The following ATF7IP variants were observed in gnomAD, a reference collection of about 807,000 sequenced individuals.
ATF7IP encodes activating transcription factor 7 interacting protein.
ATF7IP carries 23 observed loss-of-function variants against 106.4 expected under a neutral mutation model. The ratio of observed to expected loss-of-function variants is 0.22; its 90% confidence interval spans 0.16 to 0.31. ATF7IP has a LOEUF of 0.31. Among genes scored for constraint, ATF7IP ranks in the 10% least tolerant of loss-of-function variants. The pLI is 1.00. For synonymous variants in ATF7IP, 542 were observed against 539.0 expected (o/e 1.01, Z -0.08); for missense variants, 1,334 against 1,524.3 (o/e 0.88, Z 2.08).
At position 14,386,387 on chromosome 12, in the gene ATF7IP, G is replaced by A. The variant is rs543773304; in HGVS notation, c.-8+20560G>A. On this transcript the variant is annotated intron_variant, in intron 1 of 14. Coordinates refer to ENST00000261168, the MANE Select transcript of ATF7IP (RefSeq NM_018179.5). ...TTTAAGCAGCAATACTTAAATTGCA[G>A]TACCTGTTAAAATATTTTTTAGCTG... Among the ~76,000 whole-genome samples, 1,350 of 152,180 alleles carry A rather than the reference G, an allele frequency of 8.9e-3. 9 individuals are homozygous for A. Among genetic ancestry groups the A allele is most frequent in the African/African-American group, 0.026 (1,079 of 41,544 alleles).
intron 1 of ATF7IP, among the ~76,000 whole-genome samples, chr12:14,403,560 C>A (rs1177340696): frequency 1.3e-5 from 2 of 152,112 alleles, no homozygotes; most frequent in Non-Finnish European, 2.9e-5. Context: ...GAATTTTTTT[C>A]TGTTTACCAG....
At chr12:14,481,533 C>G in intron 13 of ATF7IP, 1 of 387,322 alleles carries the variant, frequency 2.6e-6, no homozygotes, top group Admixed American at 3.7e-5. Flanking sequence ...TAATTTTTGT[C>G]AATTAAAAAA....
At chr12:14,432,515 ATTTAT>A in intron 2 of ATF7IP, among the ~76,000 whole-genome samples, 1 of 152,344 alleles carries the variant, frequency 6.6e-6, no homozygotes, top group Non-Finnish European at 1.5e-5. Flanking sequence ...TTTTCAAATA[ATTTAT>A]TTTAAAGTTC....
At chr12:14,444,361 C>T (rs1163207608) in intron 5 of ATF7IP, among the ~76,000 whole-genome samples, 1 of 152,046 alleles carries the variant, frequency 6.6e-6, no homozygotes, top group African/African-American at 2.4e-5. Context: ...TATAGGCCAA[C>T]CTTGATGTTA....
chr12:14,421,877 T>A (rs1234634817), intron 1 of ATF7IP, among the ~76,000 whole-genome samples: 1 of 152,214 alleles, frequency 6.6e-6, no homozygotes, highest in Non-Finnish European at 1.5e-5. Context: ...AAATCAGCCT[T>A]GTATTTTTCT....
Position 14,488,406 on chromosome 12 carries a change from A to G in ATF7IP, c.3280+7221A>G, listed in dbSNP as rs192948573. On this transcript the variant is annotated intron_variant, in intron 13 of 14. Transcript: ENST00000261168. ...TGTTTCAGGGTAGGAAGCATCCAGC[A>G]CAGGAAAAAGATGTAGGCTGGGAGG... Among the ~76,000 whole-genome samples the G allele has an allele frequency of 5.5e-3, 843 of 152,288 alleles. 8 individuals are homozygous for G. The highest frequency in any genetic ancestry group is 7.8e-3 in the Non-Finnish European group (529 of 68,032).
chr12:14,496,674 C>A (rs1945021467), intron 14 of ATF7IP, among the ~76,000 whole-genome samples: 1 of 152,090 alleles, frequency 6.6e-6, no homozygotes, highest in Non-Finnish European at 1.5e-5. Context: ...TAATTTTATT[C>A]TTTCGTTCTA....
Position 14,498,068 on chromosome 12 carries a change from A to T in ATF7IP, c.3808A>T (p.Ser1270Cys), listed in dbSNP as rs1330614953. The T allele has an allele frequency of 1.3e-6, 2 of 1,571,414 alleles. No individual in the cohort carries two copies. The highest frequency in any genetic ancestry group is 1.2e-5 in the South Asian group (1 of 86,876). The change falls in exon 15 of 15, where the codon AGT becomes TGT. Residue 1270 changes from serine to cysteine, a missense_variant. By Grantham distance (112) the Ser-to-Cys change is moderately radical (BLOSUM62 -1). Coordinates refer to ENST00000261168, the MANE Select transcript of ATF7IP (RefSeq NM_018179.5). Reference sequence around the variant, plus strand: ...AGATGTGATCTCTTCTACCCAGAGCAGTTAAACCTTGGAGCCTTTATATTT... The same window carrying T: ...AGATGTGATCTCTTCTACCCAGAGCTGTTAAACCTTGGAGCCTTTATATTT... ...STDVISSTQS[S>C]
intron 1 of ATF7IP, among the ~76,000 whole-genome samples, chr12:14,370,245 C>G (rs1938479490): frequency 1.3e-5 from 2 of 152,102 alleles, no homozygotes; most frequent in Admixed American, 6.6e-5. Context: ...CTCCTATGTG[C>G]ATTTTTCTGG....
At chr12:14,386,718 A>G (rs1939261104) in intron 1 of ATF7IP, among the ~76,000 whole-genome samples, 1 of 152,158 alleles carries the variant, frequency 6.6e-6, no homozygotes, top group Admixed American at 6.5e-5. Context: ...TGCTATTAAG[A>G]TAAACAAAAC....
intron 10 of ATF7IP, among the ~76,000 whole-genome samples, chr12:14,470,122 G>A (rs1474645783): frequency 6.6e-6 from 1 of 152,172 alleles, no homozygotes; most frequent in African/African-American, 2.4e-5. Flanking sequence ...AACTAACCAA[G>A]TCTCAATTAT....
At chr12:14,474,986 T>C (rs1944207358) in intron 10 of ATF7IP, among the ~76,000 whole-genome samples, 1 of 152,220 alleles carries the variant, frequency 6.6e-6, no homozygotes, top group African/African-American at 2.4e-5. Flanking sequence ...ATTGCATTAT[T>C]GTCTTGGGAT....
At chr12:14,418,792 T>G (rs1320828334) in intron 1 of ATF7IP, among the ~76,000 whole-genome samples, 1 of 152,178 alleles carries the variant, frequency 6.6e-6, no homozygotes, top group Non-Finnish European at 1.5e-5. Flanking sequence ...CTTGTGGGTA[T>G]GGATGGTAGT....
intron 1 of ATF7IP, among the ~76,000 whole-genome samples, chr12:14,369,561 C>T (rs1221147618): frequency 6.6e-6 from 1 of 152,184 alleles, no homozygotes; most frequent in African/African-American, 2.4e-5. Context: ...TCGTCTTGAA[C>T]TCCTGACCTG....
At chr12:14,487,682 C>CT (rs796667295) in intron 13 of ATF7IP, among the ~76,000 whole-genome samples, 7 of 152,316 alleles carry the variant, frequency 4.6e-5, no homozygotes, top group African/African-American at 1.4e-4. Flanking sequence ...GAGCTTGTGT[C>CT]TGTTTTTCTA....
chr12:14,373,661 A>G (rs1938616665), intron 1 of ATF7IP, among the ~76,000 whole-genome samples: 1 of 152,236 alleles, frequency 6.6e-6, no homozygotes, highest in South Asian at 2.1e-4. Context: ...TTTCTGCTAT[A>G]TAAGGAATTG....
Position 14,481,058 on chromosome 12 carries a change from C to G in ATF7IP, c.3153C>G (p.Leu1051=), listed in dbSNP as rs753061138. 5 of 1,613,920 alleles carry G rather than the reference C, an allele frequency of 3.1e-6. No homozygotes were observed. The African/African-American group carries it at 6.7e-5, about 22-fold the overall frequency. The change falls in exon 13 of 15, where the codon CTC becomes CTG. Residue 1051 remains leucine, a synonymous_variant. Coordinates refer to ENST00000261168, the MANE Select transcript of ATF7IP (RefSeq NM_018179.5). ...CAGTAACTCAGGTGACCACAAGACT[C>G]CCTGTACCAAGAGCTCCTGCAAACC... ...HRPVTQVTTR[L]PVPRAPANHQ...
At chr12:14,459,195 A>G (rs1343396824) in intron 8 of ATF7IP, among the ~76,000 whole-genome samples, 1 of 152,220 alleles carries the variant, frequency 6.6e-6, no homozygotes, top group Non-Finnish European at 1.5e-5. Context: ...AACGTGAATT[A>G]TCAGTGTGTC....
chr12:14,464,351 T>C (rs1943749642), intron 9 of ATF7IP, among the ~76,000 whole-genome samples: 1 of 152,126 alleles, frequency 6.6e-6, no homozygotes, highest in Non-Finnish European at 1.5e-5. Context: ...AAACGAGAGT[T>C]TAAACACAGC....
Sources: gnomAD v4.1 joint callset for allele counts (sites outside exome capture counted in the v4.1 genomes callset) on GRCh38, gnomAD v4.1.1 for gene constraint, MANE v1.5 for transcripts, NCBI Gene and HGNC (gene_info 2026-07-23, HGNC 2026-07-21) for gene names.